KCNN2: variants seen among roughly 807,000 people sequenced by gnomAD.
KCNN2 encodes the protein small conductance calcium-activated potassium channel protein 2.
A neutral mutation model predicts 55.5 loss-of-function variants in KCNN2; 24 were observed. The ratio of observed to expected loss-of-function variants is 0.43; its 90% CI spans 0.31 to 0.61. The LOEUF is 0.61. Among genes scored for constraint, KCNN2 ranks in the 20% least tolerant of loss-of-function variants. The pLI is 0.08. For synonymous variants in KCNN2, 431 were observed against 336.1 expected, an observed-to-expected ratio of 1.28 and a Z score of -3.09; for missense variants, 754 against 853.6, an observed-to-expected ratio of 0.88 and a Z score of 1.45.
chr5:114,257,311 T>G (rs1045515715), intron 2 of KCNN2, among the ~76,000 whole-genome samples: 4 of 152,184 alleles, frequency 2.6e-5, no homozygotes, highest in Non-Finnish European at 5.9e-5. Flanking sequence ...AGCTTTGTTC[T>G]TTTTCTTAGG....
intron 2 of KCNN2, among the ~76,000 whole-genome samples, chr5:114,317,681 T>TA (rs2150028224): frequency 6.6e-6 from 1 of 152,288 alleles, no homozygotes; most frequent in Non-Finnish European, 1.5e-5. Flanking sequence ...CAGAAAGTCT[T>TA]AGAGTGAGGA....
At chr5:114,443,743 G>A (rs751903089) in intron 3 of KCNN2, among the ~76,000 whole-genome samples, 1 of 152,176 alleles carries the variant, frequency 6.6e-6, no homozygotes, top group Non-Finnish European at 1.5e-5. Flanking sequence ...ATAGATGCAC[G>A]GGTGGCAAGT....
At chr5:114,361,938 C>T (rs974098925), upstream of KCNN2, 4 of 153,318 alleles carry the variant, frequency 2.6e-5, no homozygotes, top group Admixed American at 6.5e-5. Flanking sequence ...CCGCGCGCGC[C>T]GCAAACTCAG....
At chr5:114,269,368 TTG>T (rs1251589625) in intron 2 of KCNN2, among the ~76,000 whole-genome samples, 2 of 152,166 alleles carry the variant, frequency 1.3e-5, no homozygotes, top group East Asian at 3.9e-4. Flanking sequence ...AACTGATTCT[TTG>T]TTAGCAGCCT....
At chr5:114,408,654 A>G (rs1300079057) in intron 3 of KCNN2, among the ~76,000 whole-genome samples, 1 of 152,210 alleles carries the variant, frequency 6.6e-6, no homozygotes, top group Non-Finnish European at 1.5e-5. Flanking sequence ...TAACAATGTA[A>G]CAATGAGGGA....
At chr5:114,468,258 G>A (rs1761547545) in intron 4 of KCNN2, among the ~76,000 whole-genome samples, 1 of 152,084 alleles carries the variant, frequency 6.6e-6, no homozygotes, top group Admixed American at 6.6e-5. Flanking sequence ...AAAGCAGAGT[G>A]CTTTATAAAA....
rs568892438 is a variant in KCNN2, at chr5:114,123,521, C to A, written c.-271+67021C>A. ...GGGACTACAGGCGCCCGCCACCACGCCCGGCTAATTTTTTGTGTTTTTTAG... is the reference window on the plus strand; with the variant it reads ...GGGACTACAGGCGCCCGCCACCACGACCGGCTAATTTTTTGTGTTTTTTAG... On this transcript the variant is annotated intron_variant, in intron 1 of 10. Coordinates refer to the KCNN2 transcript ENST00000512097. 5.5e-4 allele frequency among the ~76,000 whole-genome samples: 66 copies of A among 119,882 alleles called. 14 individuals carry two copies. The highest frequency in any genetic ancestry group is 8.7e-4 in the Non-Finnish European group (50 of 57,546). The allele number at this position is 119,882 out of a possible 152,430, so 78.6% of individuals were successfully genotyped here.
intron 3 of KCNN2, among the ~76,000 whole-genome samples, chr5:114,424,618 C>T (rs1201489902): frequency 2.0e-5 from 3 of 152,124 alleles, no homozygotes; most frequent in Non-Finnish European, 4.4e-5. Flanking sequence ...AAGGGCAGTT[C>T]GGAGAGGCCA....
intron 1 of KCNN2, among the ~76,000 whole-genome samples, chr5:114,154,321 T>G (rs983888742): frequency 2.0e-5 from 3 of 151,992 alleles, no homozygotes; most frequent in Non-Finnish European, 2.9e-5. Context: ...AGCACAAAAA[T>G]TTTGCTTTTG....
intron 3 of KCNN2, among the ~76,000 whole-genome samples, chr5:114,434,255 G>A (rs338663): frequency 6.6e-6 from 1 of 151,412 alleles, no homozygotes; most frequent in Non-Finnish European, 1.5e-5. Flanking sequence ...GCTATAAACA[G>A]TCTACTACTC....
At chr5:114,074,354 G>C (rs1383093487) in intron 1 of KCNN2, among the ~76,000 whole-genome samples, 1 of 151,846 alleles carries the variant, frequency 6.6e-6, no homozygotes, top group Non-Finnish European at 1.5e-5. Flanking sequence ...GAGAGAAAGA[G>C]GGAAGATCTT....
chr5:114,164,306 A>T (rs1752861162), intron 1 of KCNN2, among the ~76,000 whole-genome samples: 1 of 152,170 alleles, frequency 6.6e-6, no homozygotes, highest in Non-Finnish European at 1.5e-5. Context: ...GTTAAGAGAA[A>T]TATTAATATA....
At position 114,363,121 on chromosome 5, in the gene KCNN2, A is replaced by T. The variant is rs1352761124; in HGVS notation, c.982A>T (p.Asn328Tyr). The T allele has an allele frequency of 6.8e-6, 11 of 1,613,432 alleles. No homozygotes were observed. Among genetic ancestry groups the T allele is most frequent in the Non-Finnish European group, 9.3e-6 (11 of 1,179,970 alleles). Reference protein sequence around the residue: ...GTKSSKKKNQNIGYKLGHRRA... With the variant: ...GTKSSKKKNQYIGYKLGHRRA... ...CAAGTCCAGCAAAAAGAAAAACCAG[A>T]ACATCGGCTACAAGCTGGGCCACCG... The change falls in exon 1 of 8, where the codon AAC (asparagine) becomes TAC (tyrosine). Residue 328 changes from asparagine to tyrosine, a missense_variant. Physicochemically the swap from Asn to Tyr is moderately radical, Grantham distance 143. Coordinates refer to ENST00000673685, the MANE Select transcript of KCNN2 (RefSeq NM_021614.4).
intron 1 of KCNN2, among the ~76,000 whole-genome samples, chr5:114,194,948 A>G (rs1405614761): frequency 4.0e-5 from 6 of 149,222 alleles, no homozygotes; most frequent in East Asian, 3.9e-4. Flanking sequence ...TGAGAAGACT[A>G]TTGTTTCCCC....
At chr5:114,159,900 C>T (rs561619028) in intron 1 of KCNN2, among the ~76,000 whole-genome samples, 4,694 of 152,114 alleles carry the variant, frequency 0.031, 249 homozygotes, top group African/African-American at 0.11. Context: ...CTCTTTTCTT[C>T]TTTATTAGTC....
intron 1 of KCNN2, among the ~76,000 whole-genome samples, chr5:114,061,133 T>A (rs1243219301): frequency 6.6e-6 from 1 of 152,244 alleles, no homozygotes; most frequent in Non-Finnish European, 1.5e-5. Flanking sequence ...TGTCTTACTA[T>A]GCAAATGGGG....
At chr5:114,071,605 C>T (rs1157531988) in intron 1 of KCNN2, among the ~76,000 whole-genome samples, 1 of 152,192 alleles carries the variant, frequency 6.6e-6, no homozygotes, top group Non-Finnish European at 1.5e-5. Flanking sequence ...ATTGATATAT[C>T]ACCTAAAATC....
chr5:114,224,084 A>T (rs1020568835), intron 2 of KCNN2, among the ~76,000 whole-genome samples: 1 of 152,198 alleles, frequency 6.6e-6, no homozygotes, highest in Non-Finnish European at 1.5e-5. Context: ...CTCTTCTAGC[A>T]TTTTAATATC....
At chr5:114,379,976 G>A (rs1190594693) in intron 2 of KCNN2, among the ~76,000 whole-genome samples, 1 of 150,028 alleles carries the variant, frequency 6.7e-6, no homozygotes, top group Non-Finnish European at 1.5e-5. Context: ...GAAAATTAAT[G>A]TGTTATACAT....
Sources: gnomAD v4.1 joint callset for allele counts (sites outside exome capture counted in the v4.1 genomes callset) on GRCh38, gnomAD v4.1.1 for gene constraint, MANE v1.5 for transcripts, NCBI Gene and HGNC (gene_info 2026-07-23, HGNC 2026-07-21) for gene names.